CAMK1D: variants seen among roughly 807,000 people sequenced by gnomAD.
CAMK1D encodes the protein calcium/calmodulin dependent protein kinase ID.
In CAMK1D, 9 loss-of-function variants were observed where a neutral mutation model predicts 47.7. The observed-to-expected ratio is 0.19, with a 90% CI of 0.11 to 0.33. CAMK1D has a LOEUF of 0.33. Ranked by LOEUF, CAMK1D falls within the 10% of genes least tolerant of loss-of-function variation. The pLI is 1.00. For missense variants in CAMK1D, 291 were observed against 488.7 expected, an observed-to-expected ratio of 0.60 and a Z score of 3.81; for synonymous variants, 184 against 184.9, an observed-to-expected ratio of 0.99 and a Z score of 0.04.
At chr10:12,538,885 C>CA (rs60713871) in intron 1 of CAMK1D, among the ~76,000 whole-genome samples, 7,348 of 88,948 alleles carry the variant, frequency 0.083, 297 homozygotes, top group Admixed American at 0.14. Flanking sequence ...AAAACTGAGG[C>CA]AAAAAAAAAA....
intron 3 of CAMK1D, among the ~76,000 whole-genome samples, chr10:12,710,580 C>T (rs1833900570): frequency 6.6e-6 from 1 of 152,190 alleles, no homozygotes; most frequent in South Asian, 2.1e-4. Flanking sequence ...CTTTCGGGCT[C>T]AGGTCCTGCA....
chr10:12,801,649 T>C lies in CAMK1D; in HGVS notation c.641+10416T>C, dbSNP rs77412897. 9.0e-3 allele frequency among the ~76,000 whole-genome samples: 1,365 copies of C among 152,254 alleles called. 18 individuals are homozygous for C. The highest frequency in any genetic ancestry group is 0.031 in the African/African-American group (1,284 of 41,530). On this transcript the variant is annotated intron_variant, in intron 6 of 10. Transcript: ENST00000619168. The stretch of plus-strand genomic sequence containing the variant: ...CTATCTATCTACCTATTTATCCATC[T>C]CATCTGTCTATCTTCATATCTATAT...
chr10:12,495,522 CT>C (rs1834512253), intron 1 of CAMK1D, among the ~76,000 whole-genome samples: 1 of 152,176 alleles, frequency 6.6e-6, no homozygotes, highest in Admixed American at 6.5e-5. Flanking sequence ...TTCAAAGACT[CT>C]TTTCTCATAA....
intron 1 of CAMK1D, among the ~76,000 whole-genome samples, chr10:12,367,324 A>G (rs1414356395): frequency 6.6e-6 from 1 of 152,086 alleles, no homozygotes; most frequent in African/African-American, 2.4e-5. Flanking sequence ...TCTTGAGGTT[A>G]GATCAGTGGT....
chr10:12,548,700 A>G (rs980210884), intron 1 of CAMK1D, among the ~76,000 whole-genome samples: 3 of 152,016 alleles, frequency 2.0e-5, no homozygotes. Flanking sequence ...CCTGGGCTCA[A>G]GCGATCCTCC....
intron 2 of CAMK1D, among the ~76,000 whole-genome samples, chr10:12,588,543 C>T (rs1837888451): frequency 6.6e-6 from 1 of 152,054 alleles, no homozygotes; most frequent in African/African-American, 2.4e-5. Context: ...TTTTTGCGAA[C>T]TGACCTGGAG....
intron 1 of CAMK1D, among the ~76,000 whole-genome samples, chr10:12,388,276 C>T (rs1188816618): frequency 6.6e-6 from 1 of 152,172 alleles, no homozygotes; most frequent in Non-Finnish European, 1.5e-5. Flanking sequence ...ATCCGCTGGC[C>T]TTGACCTCCC....
chr10:12,365,890 T>TA lies in CAMK1D; in HGVS notation c.92+15986dup, dbSNP rs1176039009. The stretch of plus-strand genomic sequence containing the variant: ...CAACATGGTGAAACCCTGCCTCTAC[T>TA]AAAAAATACAAAAAAATTAGCTGGG... On this transcript the variant is annotated intron_variant, in intron 1 of 10. Coordinates refer to ENST00000619168, the MANE Select transcript of CAMK1D (RefSeq NM_153498.4). Among the ~76,000 whole-genome samples, 3 of 152,098 alleles carry TA rather than the reference T, an allele frequency of 2.0e-5. No individual in the cohort carries two copies. In the East Asian group the frequency reaches 5.8e-4, roughly 30 times the overall value.
rs1344326884 is a variant in CAMK1D, at chr10:12,827,364, TTC to T, written c.1040-1401_1040-1400del. On this transcript the variant is annotated intron_variant, in intron 10 of 10. Transcript: ENST00000619168. ...CTTCCTTCCTTCTTCCTTTCTTTCTTTCTCTTTCTTTCTTTTTCTTTCCCTTC... is the reference window on the plus strand; with the variant it reads ...CTTCCTTCCTTCTTCCTTTCTTTCTTTCTTTCTTTCTTTTTCTTTCCCTTC... Among the ~76,000 whole-genome samples, 64 of 52,042 alleles carry T rather than the reference TTC, an allele frequency of 1.2e-3. 1 individual carries two copies. Among genetic ancestry groups the T allele is most frequent in the African/African-American group, 2.4e-3 (42 of 17,448 alleles). 34.1% of individuals were successfully genotyped at this position (52,042 alleles called of 152,430 possible).
chr10:12,611,215 C>A (rs2132411466), intron 2 of CAMK1D, among the ~76,000 whole-genome samples: 1 of 152,224 alleles, frequency 6.6e-6, no homozygotes, highest in East Asian at 1.9e-4. Context: ...GAGAATGAGA[C>A]CCTGGACCTG....
chr10:12,398,286 A>G (rs1337094847), intron 1 of CAMK1D, among the ~76,000 whole-genome samples: 3 of 152,162 alleles, frequency 2.0e-5, no homozygotes, highest in Non-Finnish European at 4.4e-5. Context: ...AAAAATATGT[A>G]TATACATTTA....
intron 1 of CAMK1D, among the ~76,000 whole-genome samples, chr10:12,487,127 C>A (rs1006042519): frequency 3.9e-5 from 6 of 152,084 alleles, no homozygotes; most frequent in African/African-American, 1.4e-4. Flanking sequence ...AACTACTAAG[C>A]CTAGTAACCA....
chr10:12,678,465 G>A (rs574802068), intron 3 of CAMK1D, among the ~76,000 whole-genome samples: 1 of 152,284 alleles, frequency 6.6e-6, no homozygotes, highest in Non-Finnish European at 1.5e-5. Context: ...TTTTCCTGTT[G>A]TTGGATGAAG....
At chr10:12,415,167 A>G (rs1839798251) in intron 1 of CAMK1D, among the ~76,000 whole-genome samples, 2 of 148,938 alleles carry the variant, frequency 1.3e-5, no homozygotes, top group African/African-American at 4.9e-5. Flanking sequence ...AAGGGTTTCC[A>G]GTCTATTAAT....
chr10:12,667,042 G>C (rs1840456264), intron 3 of CAMK1D: 1 of 448,706 alleles, frequency 2.2e-6, no homozygotes, highest in African/African-American at 2.0e-5. Flanking sequence ...TGATAACCTA[G>C]AGCTCAGCAG....
At chr10:12,738,703 G>A (rs922005565) in intron 3 of CAMK1D, among the ~76,000 whole-genome samples, 2 of 151,732 alleles carry the variant, frequency 1.3e-5, no homozygotes, top group Non-Finnish European at 2.9e-5. Flanking sequence ...GTGGTGGCTC[G>A]CACCTGTAAT....
intron 3 of CAMK1D, among the ~76,000 whole-genome samples, chr10:12,757,671 T>G (rs1027968157): frequency 5.9e-5 from 9 of 152,164 alleles, no homozygotes; most frequent in Non-Finnish European, 1.2e-4. Flanking sequence ...AGAAATTGAT[T>G]TTCTCACAGT....
chr10:12,541,672 G>C (rs894564984), intron 1 of CAMK1D, among the ~76,000 whole-genome samples: 6 of 151,646 alleles, frequency 4.0e-5, no homozygotes, highest in Admixed American at 6.6e-5. Context: ...CTTCACTACT[G>C]TTATGGTCCA....
intron 2 of CAMK1D, among the ~76,000 whole-genome samples, chr10:12,666,216 T>C (rs1395912454): frequency 1.3e-5 from 2 of 149,090 alleles, no homozygotes; most frequent in Non-Finnish European, 3.0e-5. Flanking sequence ...GTCAGGTTGG[T>C]TTTTTTTTTC....
Sources: gnomAD v4.1 joint callset for allele counts (sites outside exome capture counted in the v4.1 genomes callset) on GRCh38, gnomAD v4.1.1 for gene constraint, MANE v1.5 for transcripts, NCBI Gene and HGNC (gene_info 2026-07-23, HGNC 2026-07-21) for gene names.